SLC35F4: variants seen among roughly 807,000 people sequenced by gnomAD.
SLC35F4 encodes chromosome 14 open reading frame 36.
A neutral mutation model predicts 44.2 loss-of-function variants in SLC35F4; 24 were observed. The observed-to-expected ratio is 0.54, with a 90% CI of 0.39 to 0.76. The LOEUF (loss-of-function observed/expected upper bound fraction) is 0.76, where lower values mean the gene tolerates loss of function less well. Among genes scored for constraint, SLC35F4 ranks in the 30% least tolerant of loss-of-function variants. The pLI, the probability that SLC35F4 is intolerant of heterozygous loss-of-function variation, is 0.00. For synonymous variants in SLC35F4, 238 were observed against 223.6 expected (o/e 1.06, Z -0.57); for missense variants, 562 against 586.1 (o/e 0.96, Z 0.42).
chr14:57,571,144 T>C (rs1309843715), intron 5 of SLC35F4, among the ~76,000 whole-genome samples: 2 of 151,948 alleles, frequency 1.3e-5, no homozygotes, highest in African/African-American at 4.8e-5. Context: ...CCAAGAGAGG[T>C]GAAATTGGAA....
chr14:57,666,141 T>C (rs377121803), intron 1 of SLC35F4, among the ~76,000 whole-genome samples: 4 of 152,198 alleles, frequency 2.6e-5, no homozygotes, highest in East Asian at 3.8e-4. Context: ...ATAAAGCTTG[T>C]CATAGGAAAG....
chr14:57,759,659 A>G (rs1025234514), intron 1 of SLC35F4, among the ~76,000 whole-genome samples: 10 of 152,350 alleles, frequency 6.6e-5, no homozygotes, highest in Admixed American at 5.9e-4. Context: ...GTAGCAGTGT[A>G]CAAGGTTTCC....
chr14:57,956,313 C>T lies in SLC35F4; in HGVS notation n.282+25600G>A, dbSNP rs535481622. Among the ~76,000 whole-genome samples, 352 of 152,192 alleles carry T rather than the reference C, an allele frequency of 2.3e-3. 1 individual carries two copies. Among genetic ancestry groups the T allele is most frequent in the African/African-American group, 7.9e-3 (327 of 41,546 alleles). Reference sequence around the variant, plus strand: ...GCTCAAGATGGATTAAAGACTTAAACGTAAGACCTAAAACCATTAAAACCC... The same window carrying T: ...GCTCAAGATGGATTAAAGACTTAAATGTAAGACCTAAAACCATTAAAACCC... On this transcript the variant is annotated intron_variant and non_coding_transcript_variant, in intron 1 of 1. Coordinates refer to the SLC35F4 transcript ENST00000556568.
chr14:57,758,811 C>A (rs572252895), intron 1 of SLC35F4, among the ~76,000 whole-genome samples: 2 of 152,036 alleles, frequency 1.3e-5, no homozygotes, highest in Admixed American at 1.3e-4. Context: ...TAATAAATTG[C>A]AATATTGTAT....
intron 1 of SLC35F4, among the ~76,000 whole-genome samples, chr14:57,644,391 T>C (rs576778527): frequency 6.6e-6 from 1 of 152,204 alleles, no homozygotes; most frequent in African/African-American, 2.4e-5. Context: ...TTTTTTCGAG[T>C]GTTTTTTGGC....
intron 1 of SLC35F4, among the ~76,000 whole-genome samples, chr14:57,792,440 T>C (rs1164048090): frequency 6.6e-6 from 1 of 152,124 alleles, no homozygotes; most frequent in Non-Finnish European, 1.5e-5. Flanking sequence ...AGTCACTACA[T>C]GAAAAAGACA....
At chr14:57,697,919 G>A (rs940149842) in intron 1 of SLC35F4, among the ~76,000 whole-genome samples, 3 of 152,138 alleles carry the variant, frequency 2.0e-5, no homozygotes, top group African/African-American at 4.8e-5. Flanking sequence ...CTGTAAGGTA[G>A]AATAAATGAG....
chr14:57,728,479 C>T (rs1342747916), intron 1 of SLC35F4, among the ~76,000 whole-genome samples: 38 of 108,556 alleles, frequency 3.5e-4, no homozygotes, highest in African/African-American at 1.2e-3. Context: ...GATGGAGTCT[C>T]ACTCTGTCAC....
chr14:57,947,483 C>G (rs1890057742), intron 1 of SLC35F4, among the ~76,000 whole-genome samples: 1 of 152,108 alleles, frequency 6.6e-6, no homozygotes, highest in Admixed American at 6.5e-5. Flanking sequence ...TGAACAGCAA[C>G]AGTTTGACTT....
At chr14:57,659,703 T>C (rs534284926) in intron 1 of SLC35F4, among the ~76,000 whole-genome samples, 1 of 152,298 alleles carries the variant, frequency 6.6e-6, no homozygotes, top group South Asian at 2.1e-4. Flanking sequence ...GTAAAGGATA[T>C]ATAGCTGAGG....
chr14:57,729,190 T>C (rs1033844900), intron 1 of SLC35F4, among the ~76,000 whole-genome samples: 6 of 152,196 alleles, frequency 3.9e-5, no homozygotes, highest in Non-Finnish European at 8.8e-5. Flanking sequence ...TGAACATCAA[T>C]ATCTTCCTCT....
intron 1 of SLC35F4, among the ~76,000 whole-genome samples, chr14:57,746,780 A>T (rs551050731): frequency 6.6e-6 from 1 of 152,288 alleles, no homozygotes; most frequent in South Asian, 2.1e-4. Flanking sequence ...CTCAAGGGGT[A>T]GCTATTCTGC....
intron 1 of SLC35F4, among the ~76,000 whole-genome samples, chr14:57,661,659 T>C (rs1032225067): frequency 4.5e-4 from 68 of 152,142 alleles, no homozygotes; most frequent in Admixed American, 1.7e-3. Context: ...ATATGAAGGC[T>C]ACAGATCCAG....
chr14:57,941,153 T>C (rs942338864), intron 1 of SLC35F4, among the ~76,000 whole-genome samples: 1 of 152,106 alleles, frequency 6.6e-6, no homozygotes, highest in African/African-American at 2.4e-5. Context: ...AAGTTACACA[T>C]AGAATTATCA....
chr14:57,595,844 A>C (rs969589617), intron 1 of SLC35F4: 21 of 152,078 alleles, frequency 1.4e-4, no homozygotes, highest in African/African-American at 4.8e-4. Flanking sequence ...GAAATTAATC[A>C]CTTCTCCAAG....
chr14:57,932,281 C>T (rs1889711971), intron 1 of SLC35F4, among the ~76,000 whole-genome samples: 1 of 152,148 alleles, frequency 6.6e-6, no homozygotes, highest in Non-Finnish European at 1.5e-5. Flanking sequence ...TCTTCCATCT[C>T]TTTATCCCCT....
intron 1 of SLC35F4, among the ~76,000 whole-genome samples, chr14:57,612,591 G>A (rs972263883): frequency 6.6e-6 from 1 of 152,032 alleles, no homozygotes; most frequent in South Asian, 2.1e-4. Context: ...TAATAGTCAG[G>A]GCTCTGTCTT....
chr14:57,768,934 G>A (rs1654417810), intron 1 of SLC35F4, among the ~76,000 whole-genome samples: 1 of 152,072 alleles, frequency 6.6e-6, no homozygotes, highest in Non-Finnish European at 1.5e-5. Flanking sequence ...TGTATTTTTA[G>A]TAGCGATAGG....
At chr14:57,966,293 GAGA>G (rs1566518841) in intron 1 of SLC35F4, among the ~76,000 whole-genome samples, 1 of 152,208 alleles carries the variant, frequency 6.6e-6, no homozygotes, top group African/African-American at 2.4e-5. Flanking sequence ...TGCCTAGAGA[GAGA>G]AGAACAGACA....
Sources: gnomAD v4.1 joint callset for allele counts (sites outside exome capture counted in the v4.1 genomes callset) on GRCh38, gnomAD v4.1.1 for gene constraint, MANE v1.5 for transcripts, NCBI Gene and HGNC (gene_info 2026-07-23, HGNC 2026-07-21) for gene names.